Variants in IP6K1 observed in about 807,000 individuals in gnomAD.
IP6K1 encodes the protein inositol hexakisphosphate kinase 1, also known as ATP:1D-myo-inositol-hexakisphosphate phosphotransferase.
In IP6K1, 13 loss-of-function variants were observed where a neutral mutation model predicts 38.3. The observed-to-expected ratio is 0.34, with a 90% CI of 0.22 to 0.54. IP6K1 has a LOEUF of 0.54. Among genes scored for constraint, IP6K1 ranks in the 20% least tolerant of loss-of-function variants. IP6K1 has a pLI of 0.92. For synonymous variants in IP6K1, 212 were observed against 229.9 expected, an observed-to-expected ratio of 0.92 and a Z score of 0.70; for missense variants, 397 against 599.8, an observed-to-expected ratio of 0.66 and a Z score of 3.53.
At chr3:49,769,652 G>T (rs9859153) in intron 1 of IP6K1, among the ~76,000 whole-genome samples, 74,080 of 151,916 alleles carry the variant, frequency 0.49, 19,196 homozygotes, top group African/African-American at 0.63. Context: ...CTAGACTTAG[G>T]GACTCATTCT....
chr3:49,746,200 A>G (rs1303497710), intron 2 of IP6K1, among the ~76,000 whole-genome samples: 1 of 152,028 alleles, frequency 6.6e-6, no homozygotes, highest in East Asian at 1.9e-4. Context: ...TTCCACCCCT[A>G]GGCATATACC....
chr3:49,729,373 T>C (rs2080543520), intron 4 of IP6K1, among the ~76,000 whole-genome samples: 1 of 152,098 alleles, frequency 6.6e-6, no homozygotes, highest in Non-Finnish European at 1.5e-5. Context: ...ACCTAAGCTC[T>C]AGGGTATTTT....
At chr3:49,776,354 T>C (rs752475621) in intron 1 of IP6K1, among the ~76,000 whole-genome samples, 6 of 151,776 alleles carry the variant, frequency 4.0e-5, no homozygotes, top group East Asian at 1.9e-4. Flanking sequence ...TCATCTCTAC[T>C]AAAAATACAA....
At chr3:49,752,943 A>G (rs1164838066) in intron 1 of IP6K1, among the ~76,000 whole-genome samples, 8 of 151,642 alleles carry the variant, frequency 5.3e-5, no homozygotes, top group African/African-American at 1.9e-4. Flanking sequence ...TATTTTTACT[A>G]GAGACGGGGT....
Position 49,747,799 on chromosome 3 carries a change from A to G in IP6K1, c.223+19T>C. Reference sequence around the variant, plus strand: ...TAAGCCCAAGGCTGCTGCTTTCATTAAACTGGCCAGTGACTGACCTTTGTA... The same window carrying G: ...TAAGCCCAAGGCTGCTGCTTTCATTGAACTGGCCAGTGACTGACCTTTGTA... On this transcript the variant is annotated intron_variant, in intron 2 of 5. Transcript: ENST00000321599. 1 of 1,614,078 alleles carries G rather than the reference A, an allele frequency of 6.2e-7. No homozygotes were observed. Among genetic ancestry groups the G allele is most frequent in the Non-Finnish European group, 8.5e-7 (1 of 1,179,958 alleles).
chr3:49,748,121 G>A lies in IP6K1; in HGVS notation c.-81C>T. ...AAGGAGAGCTACATAGAAGGTCCTGGCCAGGTGAAAGCCAATGGTCAGATT... is the reference window on the plus strand; with the variant it reads ...AAGGAGAGCTACATAGAAGGTCCTGACCAGGTGAAAGCCAATGGTCAGATT... On this transcript the variant is annotated 5_prime_UTR_variant, in exon 2 of 6. Coordinates refer to ENST00000321599, the MANE Select transcript of IP6K1 (RefSeq NM_153273.4). 6.9e-7 allele frequency: 1 copy of A among 1,458,550 alleles called. No homozygotes were observed. The highest frequency in any genetic ancestry group is 9.5e-7 in the Non-Finnish European group (1 of 1,047,452). 90.4% of individuals were successfully genotyped at this position (1,458,550 alleles called of 1,614,324 possible).
At chr3:49,753,370 T>A (rs1380081339) in intron 1 of IP6K1, among the ~76,000 whole-genome samples, 5 of 152,142 alleles carry the variant, frequency 3.3e-5, no homozygotes, top group African/African-American at 9.7e-5. Flanking sequence ...GAAAGGTCTA[T>A]CCTACCCTCC....
At chr3:49,765,107 T>C (rs1035208604) in intron 1 of IP6K1, among the ~76,000 whole-genome samples, 2 of 152,040 alleles carry the variant, frequency 1.3e-5, no homozygotes, top group Non-Finnish European at 2.9e-5. Flanking sequence ...ATAACATATA[T>C]AAGTCCTAAA....
intron 2 of IP6K1, among the ~76,000 whole-genome samples, chr3:49,744,439 T>C (rs1356627728): frequency 6.7e-6 from 1 of 150,340 alleles, no homozygotes; most frequent in Non-Finnish European, 1.5e-5. Flanking sequence ...GAAATTAGAA[T>C]TCTATAAGGA....
chr3:49,734,394 C>CTTTTTT (rs71735078), intron 3 of IP6K1, among the ~76,000 whole-genome samples: 4 of 87,252 alleles, frequency 4.6e-5, no homozygotes, highest in African/African-American at 8.4e-5. Flanking sequence ...ACCGTAATTT[C>CTTTTTT]TTTTTTTTTT....
chr3:49,741,633 T>A (rs2080669871), intron 2 of IP6K1, among the ~76,000 whole-genome samples: 1 of 152,208 alleles, frequency 6.6e-6, no homozygotes. Flanking sequence ...TAGGAAACTT[T>A]AACAGTCCCA....
At chr3:49,756,838 A>AAAAAAAAAAAAAAAG (rs1559710132) in intron 1 of IP6K1, among the ~76,000 whole-genome samples, 2 of 119,180 alleles carry the variant, frequency 1.7e-5, no homozygotes, top group Admixed American at 8.3e-5. Context: ...AAAAAAAAAA[A>AAAAAAAAAAAAAAAG]AAAGAAAAAA....
Position 49,728,105 on chromosome 3 carries a change from G to A in IP6K1, c.790C>T (p.Gln264Ter). Reference protein sequence around the residue: ...ATLGVRVCGMQVYQLDTGHYL... With the variant: ...ATLGVRVCGM The stretch of plus-strand genomic sequence containing the variant: ...GGCTCTGAGCAGAGGTAACTCACCT[G>A]CATGCCGCAGACCCTGACGCCCAGC... The change falls in exon 5 of 6, where the codon CAG becomes TAG. Residue 264 changes from glutamine to a stop codon, truncating the protein, a stop_gained and splice_region_variant. Coordinates refer to ENST00000321599, the MANE Select transcript of IP6K1 (RefSeq NM_153273.4). LOFTEE classifies it high-confidence loss of function. 1 of 1,612,456 alleles carries A rather than the reference G, an allele frequency of 6.2e-7. No individual in the cohort carries two copies. Among genetic ancestry groups the A allele is most frequent in the Non-Finnish European group, 8.5e-7 (1 of 1,178,978 alleles).
intron 2 of IP6K1, among the ~76,000 whole-genome samples, chr3:49,745,549 G>A (rs1000512803): frequency 6.6e-6 from 1 of 151,760 alleles, no homozygotes; most frequent in African/African-American, 2.4e-5. Flanking sequence ...GCAAAACCCC[G>A]TCTCTACTAA....
At chr3:49,735,646 A>C (rs1167211544) in intron 3 of IP6K1, among the ~76,000 whole-genome samples, 1 of 152,172 alleles carries the variant, frequency 6.6e-6, no homozygotes, top group Non-Finnish European at 1.5e-5. Context: ...AGACTGGCCA[A>C]AGAGGATCTG....
At chr3:49,782,593 C>A (rs1216300810) in intron 1 of IP6K1, among the ~76,000 whole-genome samples, 1 of 151,936 alleles carries the variant, frequency 6.6e-6, no homozygotes, top group Non-Finnish European at 1.5e-5. Flanking sequence ...TTTGCACCCA[C>A]GAGTTTGAGA....
At position 49,777,144 on chromosome 3, in the gene IP6K1, A is replaced by G. The variant is rs1219772030; in HGVS notation, c.-129+9210T>C. 4.7e-5 allele frequency among the ~76,000 whole-genome samples: 7 copies of G among 150,172 alleles called. No individual in the cohort carries two copies. The East Asian group carries it at 6.0e-4, about 13-fold the overall frequency. ...CCTGCTACTCTGGAGGCTGAGGCAC[A>G]AAAATCACTTGAACCTAGGAGGCGG... On this transcript the variant is annotated intron_variant, in intron 1 of 5. Coordinates refer to ENST00000321599, the MANE Select transcript of IP6K1 (RefSeq NM_153273.4).
chr3:49,752,817 G>C (rs1575316036), intron 1 of IP6K1, among the ~76,000 whole-genome samples: 1 of 149,298 alleles, frequency 6.7e-6, no homozygotes, highest in African/African-American at 2.5e-5. Flanking sequence ...GCAGTGGTGC[G>C]ATCTTGGCTT....
intron 2 of IP6K1, 30 bp downstream of exon 2, chr3:49,747,788 C>T: frequency 6.2e-7 from 1 of 1,613,756 alleles, no homozygotes; most frequent in Non-Finnish European, 8.5e-7. Flanking sequence ...CCCAAGGCTG[C>T]TGCTTTCATT....
Sources: allele counts gnomAD v4.1 joint callset (sites outside exome capture counted in the v4.1 genomes callset), GRCh38; gene constraint gnomAD v4.1.1; transcripts MANE v1.5; gene names NCBI Gene and HGNC (gene_info 2026-07-23, HGNC 2026-07-21).